TMEM87B: variants seen among roughly 807,000 people sequenced by gnomAD.
TMEM87B encodes the protein transmembrane protein 87B.
A neutral mutation model predicts 80.3 loss-of-function variants in TMEM87B; 83 were observed. The ratio of observed to expected loss-of-function variants is 1.03; its 90% CI spans 0.87 to 1.24. The LOEUF is 1.24. TMEM87B is among the 50% of genes most tolerant of loss of function. The probability of loss-of-function intolerance (pLI) is 0.00; values close to 1 mark genes in which losing one functional copy is unlikely to be tolerated. For missense variants in TMEM87B, 625 were observed against 674.4 expected, an observed-to-expected ratio of 0.93 and a Z score of 0.81; for synonymous variants, 219 against 230.5, an observed-to-expected ratio of 0.95 and a Z score of 0.45.
At chr2:112,078,034 A>C (rs1247825321) in intron 6 of TMEM87B, among the ~76,000 whole-genome samples, 2 of 152,144 alleles carry the variant, frequency 1.3e-5, no homozygotes, top group Non-Finnish European at 2.9e-5. Context: ...GCTGCAGAGG[A>C]GGCTCGGTCT....
rs996305712 is a variant in TMEM87B at position 112,089,558 on chromosome 2, T to C, written c.939-67T>C. The C allele has an allele frequency of 3.6e-6, 5 of 1,373,770 alleles. No homozygotes were observed. The African/African-American group carries it at 5.7e-5, about 16-fold the overall frequency. The allele number at this position is 1,373,770 out of a possible 1,614,324, so 85.1% of individuals were successfully genotyped here. The stretch of plus-strand genomic sequence containing the variant: ...TGGTATTGGAAATGGTGCCAGTTAC[T>C]GTATTCAGGTGCATTTTACTCACCC... On this transcript the variant is annotated intron_variant, in intron 9 of 18. Transcript: ENST00000283206.
Position 112,055,445 on chromosome 2 carries a change from T to G in TMEM87B, c.-147T>G. On this transcript the variant is annotated 5_prime_UTR_variant, in exon 1 of 19. Coordinates refer to ENST00000283206, the MANE Select transcript of TMEM87B (RefSeq NM_032824.3). Reference sequence around the variant, plus strand: ...GTTTCCCAGAACTGCACGGCGCCTCTCCGCCCAGGCCCAAGCGCGAGCCCC... The same window carrying G: ...GTTTCCCAGAACTGCACGGCGCCTCGCCGCCCAGGCCCAAGCGCGAGCCCC... 2.1e-6 allele frequency: 2 copies of G among 960,388 alleles called. No individual in the cohort carries two copies. The highest frequency in any genetic ancestry group is 2.9e-6 in the Non-Finnish European group (2 of 696,090). The allele number at this position is 960,388 out of a possible 1,614,324, so 59.5% of individuals were successfully genotyped here. A position where few individuals can be genotyped will look rare whatever the true frequency, so the allele number is the denominator to read the frequency against.
chr2:112,080,961 G>T, intron 6 of TMEM87B, 96 bp from the exon 7 acceptor site: 1 of 1,019,638 alleles, frequency 9.8e-7, no homozygotes, highest in Non-Finnish European at 1.5e-6. Flanking sequence ...GCATTTGTTA[G>T]TGTGGTTTGT....
chr2:112,080,221 G>T (rs968914247), intron 6 of TMEM87B, among the ~76,000 whole-genome samples: 1 of 150,402 alleles, frequency 6.6e-6, no homozygotes, highest in African/African-American at 2.4e-5. Context: ...GAGCTGTAAC[G>T]CCCAGCCCCT....
At chr2:112,055,854 C>A in intron 1 of TMEM87B, 98 bp downstream of exon 1, 2 of 1,357,440 alleles carry the variant, frequency 1.5e-6, no homozygotes, top group Non-Finnish European at 1.9e-6. Flanking sequence ...CTGCCTCTGC[C>A]GGGTCAGCAC....
At chr2:112,060,191 CA>C (rs896012625) in intron 2 of TMEM87B, among the ~76,000 whole-genome samples, 154 bp downstream of exon 2, 31 of 151,994 alleles carry the variant, frequency 2.0e-4, no homozygotes, top group Admixed American at 9.8e-4. Context: ...ACTAAAAATA[CA>C]AAAAAAGTTA....
Position 112,077,152 on chromosome 2 carries a change from T to C in TMEM87B, c.502-40T>C, listed in dbSNP as rs767954229. 8 of 1,133,784 alleles carry C rather than the reference T, an allele frequency of 7.1e-6. No homozygotes were observed. The Admixed American group carries it at 1.3e-4, about 18-fold the overall frequency. 70.2% of individuals were successfully genotyped at this position (1,133,784 alleles called of 1,614,324 possible). ...TGTTCAGCTATATTACATAGCAATT[T>C]GTTAAAAATAATGAAGAATTTTTTT... On this transcript the variant is annotated intron_variant, in intron 5 of 18. Transcript: ENST00000283206.
Position 112,055,608 on chromosome 2 carries a change from G to A in TMEM87B, c.17G>A (p.Arg6His). The A allele has an allele frequency of 6.5e-7, 1 of 1,530,858 alleles. No individual in the cohort carries two copies. The highest frequency in any genetic ancestry group is 8.8e-7 in the Non-Finnish European group (1 of 1,140,996). The allele number at this position is 1,530,858 out of a possible 1,614,324, so 94.8% of individuals were successfully genotyped here. Residue 6 changes from arginine to histidine, a missense_variant, in exon 1 of 19, where the codon CGC becomes CAC. By Grantham distance (29) the Arg-to-His change is conservative (BLOSUM62 0). Coordinates refer to ENST00000283206, the MANE Select transcript of TMEM87B (RefSeq NM_032824.3). MVAAC[R>H]SVAGLLPRRR... ...CTGGTCAAGATGGTCGCCGCCTGCCGCTCGGTAGCCGGGCTCCTGCCACGC... is the reference window on the plus strand; with the variant it reads ...CTGGTCAAGATGGTCGCCGCCTGCCACTCGGTAGCCGGGCTCCTGCCACGC...
At chr2:112,070,788 T>C (rs1368159271) in intron 4 of TMEM87B, among the ~76,000 whole-genome samples, 1 of 152,174 alleles carries the variant, frequency 6.6e-6, no homozygotes, top group Non-Finnish European at 1.5e-5. Context: ...TTAACAGTAT[T>C]AATTCTTCAT....
chr2:112,085,632 A>G (rs954797587), intron 8 of TMEM87B, among the ~76,000 whole-genome samples: 1 of 152,252 alleles, frequency 6.6e-6, no homozygotes, highest in African/African-American at 2.4e-5. Context: ...TTAAATGAAT[A>G]CATGATGAGG....
chr2:112,100,722 G>C, intron 15 of TMEM87B, 27 bp downstream of exon 15: 1 of 1,444,544 alleles, frequency 6.9e-7, no homozygotes, highest in Non-Finnish European at 9.7e-7. Context: ...CTTTTTAAAT[G>C]ACCATTGTAC....
Position 112,067,012 on chromosome 2 carries a change from CA to C in TMEM87B, c.401del (p.Asn134MetfsTer4). The stretch of plus-strand genomic sequence containing the variant: ...TTGAAGAATGACAACTGTTGGACAA[CA>C]AAAAATGAAAACTTAGATTGCAACA... The part of the protein sequence containing the change: ...HYLKNDNCWT[T>X]KNENLDCNSD... On this transcript the variant is annotated frameshift_variant, in exon 4 of 19. Coordinates refer to ENST00000283206, the MANE Select transcript of TMEM87B (RefSeq NM_032824.3). LOFTEE classifies it high-confidence loss of function. The C allele has an allele frequency of 1.2e-6, 2 of 1,611,488 alleles. No individual in the cohort carries two copies. Among genetic ancestry groups the C allele is most frequent in the Non-Finnish European group, 1.7e-6 (2 of 1,179,314 alleles).
chr2:112,067,859 C>A (rs1453519512), intron 4 of TMEM87B, among the ~76,000 whole-genome samples: 1 of 152,212 alleles, frequency 6.6e-6, no homozygotes, highest in Non-Finnish European at 1.5e-5. Flanking sequence ...CACATGTCAA[C>A]ACTAACTCCT....
Position 112,055,341 on chromosome 2 carries a change from C to T in TMEM87B, c.-251C>T, listed in dbSNP as rs1040547076. 4.0e-6 allele frequency: 2 copies of T among 504,084 alleles called. No homozygotes were observed. Among genetic ancestry groups the T allele is most frequent in the Non-Finnish European group, 6.9e-6 (2 of 289,390 alleles). 31.2% of individuals were successfully genotyped at this position (504,084 alleles called of 1,614,324 possible). On this transcript the variant is annotated 5_prime_UTR_variant, in exon 1 of 19. Transcript: ENST00000283206. ...GCCAACTCCACATCCTGGCTCCTAT[C>T]TCTGCCTTCCAGGCATCTCCCAGCT...
At chr2:112,105,154 C>T (rs987467865) in intron 15 of TMEM87B, among the ~76,000 whole-genome samples, 3 of 152,098 alleles carry the variant, frequency 2.0e-5, no homozygotes, top group African/African-American at 4.8e-5. Context: ...CACACACACA[C>T]GCTTCAGTGT....
At chr2:112,081,840 C>T (rs545337661) in intron 8 of TMEM87B, among the ~76,000 whole-genome samples, 1 of 152,308 alleles carries the variant, frequency 6.6e-6, no homozygotes, top group South Asian at 2.1e-4. Flanking sequence ...TGCTGTCAAT[C>T]CTTTTAACAT....
At chr2:112,077,452 C>T (rs1678860625) in intron 6 of TMEM87B, among the ~76,000 whole-genome samples, 170 bp downstream of exon 6, 1 of 152,102 alleles carries the variant, frequency 6.6e-6, no homozygotes, top group Non-Finnish European at 1.5e-5. Context: ...TATCTTATTG[C>T]TACTATTTAT....
At chr2:112,113,072 A>G in intron 18 of TMEM87B, 143 bp downstream of exon 18, 1 of 732,492 alleles carries the variant, frequency 1.4e-6, no homozygotes. Context: ...ATTTGTGGGT[A>G]AAGTTGAAAG....
rs183906385 is a variant in TMEM87B, at chr2:112,117,857, C to G, written c.*1714C>G. 3.3e-5 allele frequency: 5 copies of G among 152,140 alleles called. No individual in the cohort carries two copies. The East Asian group carries it at 7.8e-4, about 24-fold the overall frequency. The allele number at this position is 152,140 out of a possible 1,614,324, so 9.4% of individuals were successfully genotyped here. A position where few individuals can be genotyped will look rare whatever the true frequency, so the allele number is the denominator to read the frequency against. On this transcript the variant is annotated 3_prime_UTR_variant, in exon 19 of 19. Transcript: ENST00000283206. ...TTGACCCCCTACTCATTATGTGGCT[C>G]TAGTTGAATTTTAAAATGTGGAATA...
Sources: gnomAD v4.1 joint callset for allele counts (sites outside exome capture counted in the v4.1 genomes callset) on GRCh38, gnomAD v4.1.1 for gene constraint, MANE v1.5 for transcripts, NCBI Gene and HGNC (gene_info 2026-07-23, HGNC 2026-07-21) for gene names.